Variants in CDC42BPA observed in about 807,000 individuals in gnomAD.
The protein encoded by CDC42BPA is CDC42 binding protein kinase alpha.
In CDC42BPA, 80 loss-of-function variants were observed where a neutral mutation model predicts 223.5. That is an observed-to-expected ratio of 0.36 (90% CI 0.30 to 0.43). CDC42BPA has a LOEUF of 0.43. Ranked by LOEUF, CDC42BPA falls within the 20% of genes least tolerant of loss-of-function variation. CDC42BPA has a pLI of 1.00. For missense variants in CDC42BPA, 1,743 were observed against 2,099.9 expected (o/e 0.83, Z 3.32); for synonymous variants, 694 against 718.6 (o/e 0.97, Z 0.55).
intron 34 of CDC42BPA, chr1:227,010,867 G>A: frequency 7.4e-7 from 1 of 1,345,872 alleles, no homozygotes; most frequent in Non-Finnish European, 9.9e-7. Context: ...ACCTGACTCA[G>A]CTGTTCATAC....
chr1:227,289,983 G>A (rs998106615), intron 1 of CDC42BPA, among the ~76,000 whole-genome samples: 1 of 151,870 alleles, frequency 6.6e-6, no homozygotes, highest in Admixed American at 6.6e-5. Context: ...GCTGCAGTGA[G>A]CTATGACTGC....
intron 21 of CDC42BPA, among the ~76,000 whole-genome samples, chr1:227,057,290 T>G (rs1368249317): frequency 1.3e-5 from 2 of 152,166 alleles, no homozygotes; most frequent in African/African-American, 4.8e-5. Context: ...GTAAATGAGG[T>G]TTAATAGCAT....
Position 227,030,429 on chromosome 1 carries a change from CA to C in CDC42BPA, c.3816del (p.Phe1272LeufsTer33). 2 of 1,596,882 alleles carry C rather than the reference CA, an allele frequency of 1.3e-6. No individual in the cohort carries two copies. The highest frequency in any genetic ancestry group is 1.7e-6 in the Non-Finnish European group (2 of 1,172,186). On this transcript the variant is annotated frameshift_variant, in exon 29 of 37. Transcript: ENST00000366766. LOFTEE classifies it high-confidence loss of function. ...TTACCATCTTTGGTGACATGTACAACAAATAACCCTTCTTCGTTTCCCAAAG... is the reference window on the plus strand; with the variant it reads ...TTACCATCTTTGGTGACATGTACAACAATAACCCTTCTTCGTTTCCCAAAG... ...RIALGNEEGL[F>X]VVHVTKDEII... is the part of the protein sequence containing the mutation.
intron 6 of CDC42BPA, among the ~76,000 whole-genome samples, chr1:227,159,263 G>A (rs962849927): frequency 6.6e-6 from 1 of 152,186 alleles, no homozygotes; most frequent in African/African-American, 2.4e-5. Context: ...GAGGTGGGCA[G>A]ATAACCTGAG....
chr1:227,108,573 G>A lies in CDC42BPA; in HGVS notation c.2001+3739C>T, dbSNP rs534269767. On this transcript the variant is annotated intron_variant, in intron 14 of 36. Transcript: ENST00000366766. The stretch of plus-strand genomic sequence containing the variant: ...TGTACTTTAAAAGAATGTATATTTT[G>A]CTGTTGTTGGGTGAAAAGTTCTATA... Among the ~76,000 whole-genome samples, 8 of 152,178 alleles carry A rather than the reference G, an allele frequency of 5.3e-5. No homozygotes were observed. In the East Asian group the frequency reaches 1.5e-3, roughly 29 times the overall value.
chr1:227,043,102 T>C (rs1671727370), intron 23 of CDC42BPA, among the ~76,000 whole-genome samples: 2 of 152,188 alleles, frequency 1.3e-5, no homozygotes, highest in Non-Finnish European at 2.9e-5. Flanking sequence ...ACAAAAAATT[T>C]TAAAATGTTT....
intron 1 of CDC42BPA, among the ~76,000 whole-genome samples, chr1:227,284,060 A>T (rs895411793): frequency 6.6e-6 from 1 of 152,110 alleles, no homozygotes; most frequent in Admixed American, 6.6e-5. Flanking sequence ...TATCTCAAAA[A>T]ATATATATAC....
chr1:227,246,830 CAAATGAACT>C (rs1462174086), intron 2 of CDC42BPA, among the ~76,000 whole-genome samples: 2 of 152,116 alleles, frequency 1.3e-5, no homozygotes, highest in African/African-American at 4.8e-5. Context: ...CTGACCTCAC[CAAATGAACT>C]AAATAAGGCA....
At chr1:227,045,749 T>C (rs1057046783) in intron 23 of CDC42BPA, among the ~76,000 whole-genome samples, 2 of 152,220 alleles carry the variant, frequency 1.3e-5, no homozygotes, top group Non-Finnish European at 2.9e-5. Context: ...TGTTCTCATA[T>C]TGCTCTGTTT....
intron 14 of CDC42BPA, among the ~76,000 whole-genome samples, chr1:227,103,082 G>T (rs1685321431): frequency 6.6e-6 from 1 of 151,920 alleles, no homozygotes; most frequent in Non-Finnish European, 1.5e-5. Flanking sequence ...CAACAAAAAG[G>T]ATGTCTTCCA....
At chr1:227,000,462 C>A (rs978863509) in intron 35 of CDC42BPA, among the ~76,000 whole-genome samples, 2 of 152,132 alleles carry the variant, frequency 1.3e-5, no homozygotes, top group Non-Finnish European at 2.9e-5. Flanking sequence ...AGTCAAACTG[C>A]CAGAGACTTC....
chr1:227,030,051 T>G lies in CDC42BPA; in HGVS notation c.3838+357A>C, dbSNP rs79202188. Among the ~76,000 whole-genome samples, 415 of 151,828 alleles carry G rather than the reference T, an allele frequency of 2.7e-3. 12 individuals are homozygous for G. The East Asian group carries it at 0.052, about 19-fold the overall frequency. The stretch of plus-strand genomic sequence containing the variant: ...GGGAGGCTGAGGCAGGAGAATCTCT[T>G]GAACCCAGGAGGCGGAGGCTGCAAT... On this transcript the variant is annotated intron_variant, in intron 29 of 36. Transcript: ENST00000366766.
chr1:227,312,704 G>A (rs536981064), intron 1 of CDC42BPA, among the ~76,000 whole-genome samples: 92 of 152,210 alleles, frequency 6.0e-4, no homozygotes, highest in African/African-American at 2.1e-3. Context: ...GATTTGTGCC[G>A]TCACCCAAAT....
At chr1:227,020,681 T>C (rs994253824) in intron 32 of CDC42BPA, among the ~76,000 whole-genome samples, 1 of 152,216 alleles carries the variant, frequency 6.6e-6, no homozygotes, top group Non-Finnish European at 1.5e-5. Context: ...AAAACTTTCT[T>C]TGTAACAGCA....
intron 2 of CDC42BPA, among the ~76,000 whole-genome samples, chr1:227,253,603 A>C (rs1376536917): frequency 9.1e-6 from 1 of 109,466 alleles, no homozygotes; most frequent in African/African-American, 3.6e-5. Context: ...CTCAAAAATA[A>C]ATAAATACAT....
At chr1:227,267,158 A>G (rs1685147975) in intron 1 of CDC42BPA, among the ~76,000 whole-genome samples, 1 of 152,228 alleles carries the variant, frequency 6.6e-6, no homozygotes, top group African/African-American at 2.4e-5. Flanking sequence ...TTTTTATAAC[A>G]AAATAGATTT....
chr1:227,213,104 T>C (rs1416787088), intron 3 of CDC42BPA, 32 bp downstream of exon 3: 3 of 1,012,920 alleles, frequency 3.0e-6, no homozygotes, highest in Non-Finnish European at 4.4e-6. Context: ...ATTTCTAAAA[T>C]ATTTATATAT....
chr1:227,289,753 T>A (rs1421876078), intron 1 of CDC42BPA, among the ~76,000 whole-genome samples: 1 of 152,110 alleles, frequency 6.6e-6, no homozygotes, highest in African/African-American at 2.4e-5. Context: ...ATCTTAAGGG[T>A]ACTTATGTTT....
At chr1:227,232,934 C>T (rs1678294247) in intron 2 of CDC42BPA, among the ~76,000 whole-genome samples, 1 of 152,214 alleles carries the variant, frequency 6.6e-6, no homozygotes, top group African/African-American at 2.4e-5. Context: ...CTACTCCCTT[C>T]AAAGCTACTC....
Sources: allele counts gnomAD v4.1 joint callset (sites outside exome capture counted in the v4.1 genomes callset), GRCh38; gene constraint gnomAD v4.1.1; transcripts MANE v1.5; gene names NCBI Gene and HGNC (gene_info 2026-07-23, HGNC 2026-07-21).